The following USH2A variants were observed in gnomAD, a reference collection of about 807,000 sequenced individuals.
USH2A encodes Usher syndrome 2A (autosomal recessive, mild).
A neutral mutation model predicts 538.9 loss-of-function variants in USH2A; 443 were observed. That is an observed-to-expected ratio of 0.82 (90% CI 0.76 to 0.89). USH2A has a LOEUF of 0.89. USH2A is among the 40% of genes least tolerant of loss of function. The pLI is 0.00. For missense variants in USH2A, 6,633 were observed against 6,324.8 expected, an observed-to-expected ratio of 1.05 and a Z score of -1.65; for synonymous variants, 2,413 against 2,273.5, an observed-to-expected ratio of 1.06 and a Z score of -1.75.
chr1:216,165,976 C>A (rs2034159729), intron 21 of USH2A, among the ~76,000 whole-genome samples: 2 of 151,910 alleles, frequency 1.3e-5, no homozygotes, highest in Admixed American at 6.6e-5. Context: ...ACACTTTCCC[C>A]TGAGTCCCCA....
intron 36 of USH2A, among the ~76,000 whole-genome samples, chr1:215,967,057 A>C (rs535625943): frequency 7.9e-5 from 12 of 152,318 alleles, no homozygotes; most frequent in Admixed American, 2.6e-4. Flanking sequence ...TGGAAAAGGC[A>C]CTTGGGAAAG....
At chr1:216,005,138 T>C (rs942031323) in intron 32 of USH2A, among the ~76,000 whole-genome samples, 1 of 152,164 alleles carries the variant, frequency 6.6e-6, no homozygotes, top group Non-Finnish European at 1.5e-5. Context: ...CTAGACATTA[T>C]TCTGTTCTTC....
chr1:215,664,515 C>T (rs1450631618), intron 64 of USH2A, among the ~76,000 whole-genome samples: 1 of 152,078 alleles, frequency 6.6e-6, no homozygotes, highest in Non-Finnish European at 1.5e-5. Context: ...CTGTAGATTA[C>T]AAAAACCAAT....
intron 35 of USH2A, among the ~76,000 whole-genome samples, chr1:215,992,270 T>A (rs377664922): frequency 7.2e-5 from 11 of 152,328 alleles, no homozygotes; most frequent in African/African-American, 2.6e-4. Flanking sequence ...AAATTTAATG[T>A]CAAGTAAGCT....
chr1:216,198,240 G>A (rs572724649), intron 18 of USH2A, 75 bp downstream of exon 18: 2 of 1,603,916 alleles, frequency 1.2e-6, no homozygotes, highest in Admixed American at 1.7e-5. Context: ...TACTTTCACA[G>A]TACTTTGACT....
At chr1:215,788,603 GA>G (rs1553262225) in intron 51 of USH2A, among the ~76,000 whole-genome samples, 2 of 152,116 alleles carry the variant, frequency 1.3e-5, no homozygotes, top group Non-Finnish European at 2.9e-5. Context: ...CTTCCACATA[GA>G]GGTTCATTGT....
At chr1:215,974,777 T>G (rs1667583665) in intron 35 of USH2A, among the ~76,000 whole-genome samples, 1 of 152,142 alleles carries the variant, frequency 6.6e-6, no homozygotes, top group South Asian at 2.1e-4. Context: ...TCTTTGCTCT[T>G]GTGACTAGTA....
chr1:216,095,900 T>C (rs2032430855), intron 22 of USH2A, among the ~76,000 whole-genome samples: 1 of 152,200 alleles, frequency 6.6e-6, no homozygotes, highest in African/African-American at 2.4e-5. Flanking sequence ...AGGGTGAACG[T>C]TGTGTCTGCT....
chr1:216,319,724 G>C (rs962370165), intron 9 of USH2A, among the ~76,000 whole-genome samples: 8 of 152,188 alleles, frequency 5.3e-5, no homozygotes, highest in African/African-American at 1.7e-4. Flanking sequence ...ATGTGCTAGA[G>C]AAAGTCTGCA....
At chr1:216,211,124 T>C (rs1428082012) in intron 15 of USH2A, among the ~76,000 whole-genome samples, 1 of 152,132 alleles carries the variant, frequency 6.6e-6, no homozygotes, top group Non-Finnish European at 1.5e-5. Context: ...CCACGTATCT[T>C]GTCCTATGCA....
chr1:216,293,937 A>T (rs2037054869), intron 9 of USH2A, among the ~76,000 whole-genome samples: 1 of 152,212 alleles, frequency 6.6e-6, no homozygotes, highest in Non-Finnish European at 1.5e-5. Context: ...GTTACCCAAC[A>T]CTTGAGTTAC....
At chr1:215,646,933 T>C (rs1391261916) in intron 67 of USH2A, among the ~76,000 whole-genome samples, 1 of 152,232 alleles carries the variant, frequency 6.6e-6, no homozygotes, top group Admixed American at 6.5e-5. Context: ...CACATGCCTA[T>C]GGGGCAGAGT....
At chr1:215,736,837 T>C (rs1282891370) in intron 60 of USH2A, among the ~76,000 whole-genome samples, 1 of 151,966 alleles carries the variant, frequency 6.6e-6, no homozygotes, top group Admixed American at 6.6e-5. Flanking sequence ...AGACTGACCC[T>C]GTATTAAAAG....
intron 55 of USH2A, among the ~76,000 whole-genome samples, chr1:215,768,500 C>T (rs1194377201): frequency 6.6e-6 from 1 of 152,138 alleles, no homozygotes; most frequent in East Asian, 1.9e-4. Flanking sequence ...TGATAAGATG[C>T]AGGCACTTAT....
intron 47 of USH2A, among the ~76,000 whole-genome samples, chr1:215,835,153 G>T (rs2102812885): frequency 1.1e-5 from 1 of 92,484 alleles, no homozygotes; most frequent in African/African-American, 4.3e-5. Flanking sequence ...TTATCTTTAA[G>T]AGTGATGCAC....
intron 3 of USH2A, among the ~76,000 whole-genome samples, chr1:216,396,714 T>G: frequency 6.6e-6 from 1 of 151,902 alleles, no homozygotes; most frequent in East Asian, 1.9e-4. Context: ...ATTCCTCAAT[T>G]CACACAAAAA....
chr1:216,245,528 A>G (rs985734816), intron 13 of USH2A, among the ~76,000 whole-genome samples: 3 of 151,462 alleles, frequency 2.0e-5, no homozygotes, highest in African/African-American at 7.3e-5. Context: ...ACAAATGAAT[A>G]TGTATCAGTG....
intron 21 of USH2A, among the ~76,000 whole-genome samples, chr1:216,148,964 T>C (rs1222817099): frequency 6.6e-6 from 1 of 152,158 alleles, no homozygotes; most frequent in African/African-American, 2.4e-5. Flanking sequence ...TTCTTCCTCA[T>C]CTGTTACCTA....
chr1:216,302,381 C>T (rs766270205), intron 9 of USH2A, among the ~76,000 whole-genome samples: 2 of 152,108 alleles, frequency 1.3e-5, no homozygotes, highest in Admixed American at 6.5e-5. Context: ...TGAATTTTTA[C>T]CTACAGATTA....
Sources: allele counts gnomAD v4.1 joint callset (sites outside exome capture counted in the v4.1 genomes callset), GRCh38; gene constraint gnomAD v4.1.1; transcripts MANE v1.5; gene names NCBI Gene and HGNC (gene_info 2026-07-23, HGNC 2026-07-21).